TMEM140: variants seen among roughly 807,000 people sequenced by gnomAD.
TMEM140 encodes the protein transmembrane protein 140.
For missense variants in TMEM140, 236 were observed against 228.5 expected, an observed-to-expected ratio of 1.03 and a Z score of -0.21; for synonymous variants, 107 against 106.8, an observed-to-expected ratio of 1.00 and a Z score of -0.01.
chr7:135,150,959 T>A (rs760665101), intron 1 of TMEM140, among the ~76,000 whole-genome samples: 3 of 152,368 alleles, frequency 2.0e-5, no homozygotes, highest in South Asian at 2.1e-4. Flanking sequence ...ACTTGGATTA[T>A]CTGCTAGTGA....
chr7:135,154,869 C>T (rs112535206), intron 1 of TMEM140, among the ~76,000 whole-genome samples: 1,816 of 152,178 alleles, frequency 0.012, 38 homozygotes, highest in African/African-American at 0.042. Flanking sequence ...GTCTAAAGTT[C>T]AATTTAAGTA....
intron 1 of TMEM140, among the ~76,000 whole-genome samples, chr7:135,159,986 T>TA: frequency 6.6e-6 from 1 of 152,218 alleles, no homozygotes; most frequent in Non-Finnish European, 1.5e-5. Flanking sequence ...CATAGCATTA[T>TA]AAAATAATGT....
At chr7:135,153,225 G>A (rs548007145) in intron 1 of TMEM140, 1 of 152,380 alleles carries the variant, frequency 6.6e-6, no homozygotes, top group South Asian at 2.1e-4. Flanking sequence ...AGAGGCCAAG[G>A]TGGGCAGATC....
Position 135,151,565 on chromosome 7 carries a change from T to C in TMEM140, c.-25+3295T>C, listed in dbSNP as rs1829667348. On this transcript the variant is annotated intron_variant, in intron 1 of 1. Coordinates refer to ENST00000275767, the MANE Select transcript of TMEM140 (RefSeq NM_018295.5). This position sits in a 1 kb window ranked among gnomAD's most constrained non-coding sequence, Gnocchi z 4.3. ...TTCAGGCGACACACCCAACCATGTC[T>C]ACCTGACTCTCCGTCAATTCCCGTT... Among the ~76,000 whole-genome samples the C allele has an allele frequency of 6.6e-6, 1 of 152,206 alleles. No homozygotes were observed. Among genetic ancestry groups the C allele is most frequent in the Admixed American group, 6.5e-5 (1 of 15,274 alleles).
intron 1 of TMEM140, among the ~76,000 whole-genome samples, chr7:135,154,096 C>T (rs577480553): frequency 6.6e-6 from 1 of 152,218 alleles, no homozygotes; most frequent in East Asian, 1.9e-4. Context: ...TCTATTTCCT[C>T]TAGTTTTTCT....
chr7:135,160,446 A>G (rs1394486057), intron 1 of TMEM140, among the ~76,000 whole-genome samples: 1 of 152,234 alleles, frequency 6.6e-6, no homozygotes, highest in Non-Finnish European at 1.5e-5. Context: ...CCCATGGGGA[A>G]GTAGAGAAGA....
At chr7:135,162,492 C>T (rs1829968364) in intron 1 of TMEM140, among the ~76,000 whole-genome samples, 2 of 152,222 alleles carry the variant, frequency 1.3e-5, no homozygotes, top group African/African-American at 4.8e-5. Flanking sequence ...TTAATGGACT[C>T]ATAGTTCCAC....
At chr7:135,154,428 C>T (rs1420232991) in intron 1 of TMEM140, among the ~76,000 whole-genome samples, 2 of 152,008 alleles carry the variant, frequency 1.3e-5, no homozygotes, top group East Asian at 3.9e-4. Flanking sequence ...TTTTCTAATT[C>T]CTTGAGGTGC....
At chr7:135,164,041 C>A (rs1247430444) in intron 1 of TMEM140, among the ~76,000 whole-genome samples, 1 of 152,230 alleles carries the variant, frequency 6.6e-6, no homozygotes, top group Non-Finnish European at 1.5e-5. Context: ...GGGCCTTGCC[C>A]TTCACCTCAG....
At chr7:135,154,427 T>C (rs552260929) in intron 1 of TMEM140, among the ~76,000 whole-genome samples, 1 of 152,322 alleles carries the variant, frequency 6.6e-6, no homozygotes, top group South Asian at 2.1e-4. Context: ...CTTTTCTAAT[T>C]CCTTGAGGTG....
At chr7:135,154,760 T>C (rs1306337604) in intron 1 of TMEM140, among the ~76,000 whole-genome samples, 1 of 152,234 alleles carries the variant, frequency 6.6e-6, no homozygotes, top group East Asian at 1.9e-4. Context: ...ACTTCTTTTG[T>C]GGCCTTACAT....
At chr7:135,159,813 T>C (rs755860785) in intron 1 of TMEM140, among the ~76,000 whole-genome samples, 1 of 152,242 alleles carries the variant, frequency 6.6e-6, no homozygotes, top group Non-Finnish European at 1.5e-5. Flanking sequence ...TGTTAAACTT[T>C]ACTTATTATG....
chr7:135,160,671 G>GTT (rs1287272064), intron 1 of TMEM140, among the ~76,000 whole-genome samples: 1 of 151,358 alleles, frequency 6.6e-6, no homozygotes, highest in Non-Finnish European at 1.5e-5. Flanking sequence ...GTCCTAAGAT[G>GTT]TGTAACCAGG....
rs533977284 is a variant in TMEM140, at chr7:135,165,031, A to G, written c.*32A>G. 1.6e-5 allele frequency: 25 copies of G among 1,535,290 alleles called. No individual in the cohort carries two copies. In the South Asian group the frequency reaches 2.2e-4, roughly 13 times the overall value. On this transcript the variant is annotated 3_prime_UTR_variant, in exon 2 of 2. Coordinates refer to ENST00000275767, the MANE Select transcript of TMEM140 (RefSeq NM_018295.5). ...ACGTGATTGCAAGGGTTCAGTTCCA[A>G]CCATGGTCAGAGGTGGCACATCTGC...
At chr7:135,157,197 T>A (rs1258182615) in intron 1 of TMEM140, among the ~76,000 whole-genome samples, 1 of 152,248 alleles carries the variant, frequency 6.6e-6, no homozygotes, top group East Asian at 1.9e-4. Flanking sequence ...GGTGTAGCAG[T>A]TGCTTGTTCC....
intron 1 of TMEM140, among the ~76,000 whole-genome samples, chr7:135,159,751 T>C (rs1427408252): frequency 1.3e-5 from 2 of 152,222 alleles, no homozygotes; most frequent in African/African-American, 4.8e-5. Flanking sequence ...GCAAAAGAAC[T>C]GACAGCACTT....
At chr7:135,158,007 T>C (rs1829837001) in intron 1 of TMEM140, among the ~76,000 whole-genome samples, 1 of 151,890 alleles carries the variant, frequency 6.6e-6, no homozygotes, top group South Asian at 2.1e-4. Flanking sequence ...CAGCAACCCG[T>C]AGCAGGCACT....
intron 1 of TMEM140, 61 bp from the exon 2 acceptor site, chr7:135,164,357 T>G (rs905405592): frequency 3.7e-6 from 5 of 1,341,720 alleles, no homozygotes; most frequent in Non-Finnish European, 5.2e-6. Context: ...GAACATGAGC[T>G]TGTCTGGACA....
At chr7:135,159,033 A>G (rs563242630) in intron 1 of TMEM140, among the ~76,000 whole-genome samples, 1 of 152,354 alleles carries the variant, frequency 6.6e-6, no homozygotes, top group South Asian at 2.1e-4. Context: ...GGCCAAGATT[A>G]TAAAAGTTTG....
Sources: gnomAD v4.1 joint callset for allele counts (sites outside exome capture counted in the v4.1 genomes callset) on GRCh38, gnomAD v4.1.1 for gene constraint, Gnocchi (gnomAD v3.1) non-coding constraint, MANE v1.5 for transcripts, NCBI Gene and HGNC (gene_info 2026-07-23, HGNC 2026-07-21) for gene names.